The following XIRP2 variants were observed in gnomAD, a reference collection of about 807,000 sequenced individuals.
The protein encoded by XIRP2 is xin actin binding repeat containing 2.
Under a neutral mutation model 277.0 loss-of-function variants are expected in XIRP2, and 236 were observed. The observed-to-expected ratio is 0.85, with a 90% CI of 0.77 to 0.95. The LOEUF is 0.95. Among genes scored for constraint, XIRP2 ranks in the 40% least tolerant of loss-of-function variants. The probability of loss-of-function intolerance (pLI) is 0.00; values close to 1 mark genes in which losing one functional copy is unlikely to be tolerated. For synonymous variants in XIRP2, 1,490 were observed against 1,416.5 expected (o/e 1.05, Z -1.17); for missense variants, 4,640 against 4,157.5 (o/e 1.12, Z -3.19).
rs1250563707 is a variant in XIRP2 at position 167,241,772 on chromosome 2, T to G, written c.1043-5T>G. 3.1e-6 allele frequency: 5 copies of G among 1,599,904 alleles called. No homozygotes were observed. Among genetic ancestry groups the G allele is most frequent in the Admixed American group, 3.5e-5 (2 of 56,762 alleles). On this transcript the variant is annotated splice_polypyrimidine_tract_variant and splice_region_variant and intron_variant, in intron 7 of 10. Coordinates refer to ENST00000409195, the MANE Select transcript of XIRP2 (RefSeq NM_152381.6). Reference sequence around the variant, plus strand: ...AGTAACCCTGGTGTGTTTTTCTGTTTGTAGTCATTGATACACCTGAGGATG... The same window carrying G: ...AGTAACCCTGGTGTGTTTTTCTGTTGGTAGTCATTGATACACCTGAGGATG...
rs1381910074 is a variant in XIRP2 at position 167,249,509 on chromosome 2, CA to C, written c.8120del (p.Asn2707IlefsTer12). On this transcript the variant is annotated frameshift_variant, in exon 9 of 11. Transcript: ENST00000409195. LOFTEE classifies it high-confidence loss of function. ...LHLPQSKPIS[P>X]NFKVKTIKLP... is the part of the protein sequence containing the mutation. Reference sequence around the variant, plus strand: ...TTGCCCCAAAGCAAACCAATTTCCCCAAATTTCAAAGTTAAAACCATCAAAC... The same window carrying C: ...TTGCCCCAAAGCAAACCAATTTCCCCAATTTCAAAGTTAAAACCATCAAAC... 6.2e-7 allele frequency: 1 copy of C among 1,613,580 alleles called. No individual in the cohort carries two copies. The highest frequency in any genetic ancestry group is 1.3e-5 in the African/African-American group (1 of 74,844).
At chr2:166,977,652 A>C (rs1686750298) in intron 2 of XIRP2, among the ~76,000 whole-genome samples, 1 of 152,184 alleles carries the variant, frequency 6.6e-6, no homozygotes, top group Admixed American at 6.5e-5. Flanking sequence ...AAAAACTGGG[A>C]AAAGGTATAA....
chr2:167,168,596 CTTA>C (rs1692590019), intron 3 of XIRP2, among the ~76,000 whole-genome samples: 1 of 152,084 alleles, frequency 6.6e-6, no homozygotes, highest in African/African-American at 2.4e-5. Context: ...TTGGTTTTTT[CTTA>C]TTTTTTGTTT....
rs1156977389 is a variant in XIRP2 at position 167,259,085 on chromosome 2, T to A, written c.*1268T>A. On this transcript the variant is annotated 3_prime_UTR_variant, in exon 11 of 11. Coordinates refer to ENST00000409195, the MANE Select transcript of XIRP2 (RefSeq NM_152381.6). ...TAACACCGTGAAAATCACTGCATTTTCCAAGAAAAATGAGAACATTTTCAA... is the reference window on the plus strand; with the variant it reads ...TAACACCGTGAAAATCACTGCATTTACCAAGAAAAATGAGAACATTTTCAA... The A allele has an allele frequency of 1.2e-6, 2 of 1,611,562 alleles. No individual in the cohort carries two copies. Among genetic ancestry groups the A allele is most frequent in the African/African-American group, 2.7e-5 (2 of 74,828 alleles).
chr2:167,106,960 A>G (rs1690634221), intron 2 of XIRP2, among the ~76,000 whole-genome samples: 1 of 151,116 alleles, frequency 6.6e-6, no homozygotes, highest in African/African-American at 2.4e-5. Flanking sequence ...TTCAATATTC[A>G]CATGTTTATT....
At chr2:167,233,343 T>C (rs555333273) in intron 5 of XIRP2, among the ~76,000 whole-genome samples, 1 of 152,078 alleles carries the variant, frequency 6.6e-6, no homozygotes, top group African/African-American at 2.4e-5. Context: ...TCAAGAGCCA[T>C]TGAAGCAACT....
At chr2:167,113,610 GC>G in intron 2 of XIRP2, among the ~76,000 whole-genome samples, 1 of 152,226 alleles carries the variant, frequency 6.6e-6, no homozygotes, top group African/African-American at 2.4e-5. Flanking sequence ...TCCACTCTGT[GC>G]TTTTTAATTG....
chr2:167,010,637 T>C (rs571626634), intron 2 of XIRP2, among the ~76,000 whole-genome samples: 6 of 152,302 alleles, frequency 3.9e-5, no homozygotes, highest in African/African-American at 1.2e-4. Context: ...GTGGATGGCA[T>C]TGAATCTATA....
At chr2:166,941,279 C>G (rs1685707033) in intron 2 of XIRP2, among the ~76,000 whole-genome samples, 1 of 152,174 alleles carries the variant, frequency 6.6e-6, no homozygotes, top group Non-Finnish European at 1.5e-5. Flanking sequence ...GTGCCATTTG[C>G]TAAGACCATC....
rs1210624612 is a variant in XIRP2, at chr2:167,178,036, C to CA, written c.563-32686dup. On this transcript the variant is annotated intron_variant, in intron 3 of 10. Coordinates refer to ENST00000409195, the MANE Select transcript of XIRP2 (RefSeq NM_152381.6). The stretch of plus-strand genomic sequence containing the variant: ...GATTTGCAACATTATTCAGTAAAAA[C>CA]AAAAAAAAAAAAAGCAAATGTGGAG... Among the ~76,000 whole-genome samples the CA allele has an allele frequency of 8.6e-3, 962 of 111,770 alleles. 10 individuals are homozygous for CA. The highest frequency in any genetic ancestry group is 0.078 in the East Asian group (303 of 3,908). 73.3% of individuals were successfully genotyped at this position (111,770 alleles called of 152,430 possible).
At chr2:166,959,360 G>A (rs910684548) in intron 2 of XIRP2, among the ~76,000 whole-genome samples, 1 of 151,810 alleles carries the variant, frequency 6.6e-6, no homozygotes, top group Non-Finnish European at 1.5e-5. Flanking sequence ...CATTTGGATT[G>A]TGAGGCTTTA....
intron 5 of XIRP2, among the ~76,000 whole-genome samples, chr2:167,219,860 G>A (rs6739872): frequency 0.15 from 22,939 of 152,090 alleles, 2,146 homozygotes; most frequent in African/African-American, 0.27. Context: ...CAATTTATGT[G>A]AAAATATTTC....
chr2:166,958,676 C>T (rs759305612), intron 2 of XIRP2, among the ~76,000 whole-genome samples: 1 of 151,712 alleles, frequency 6.6e-6, no homozygotes, highest in Non-Finnish European at 1.5e-5. Flanking sequence ...GTTGAAATAA[C>T]TCAGTAAATG....
At position 167,247,953 on chromosome 2, in the gene XIRP2, G is replaced by T. The variant is rs753742873; in HGVS notation, c.6561G>T (p.Leu2187Phe). The change falls in exon 9 of 11, where the codon TTG (leucine) becomes TTT (phenylalanine). Residue 2187 changes from leucine (L) to phenylalanine (F), a missense_variant. Transcript: ENST00000409195. ...DLSGDFQKQTLLKQETKYSNK... is the reference protein window; with the variant it reads ...DLSGDFQKQTFLKQETKYSNK... ...CAGGGGACTTTCAGAAGCAAACTTT[G>T]TTAAAGCAAGAAACAAAATATTCTA... 6.2e-6 allele frequency: 10 copies of T among 1,608,820 alleles called. No homozygotes were observed. Among genetic ancestry groups the T allele is most frequent in the Non-Finnish European group, 8.5e-6 (10 of 1,178,622 alleles).
chr2:167,184,434 GA>G lies in XIRP2; in HGVS notation c.563-26298del, dbSNP rs1419594722. On this transcript the variant is annotated intron_variant, in intron 3 of 10. Coordinates refer to ENST00000409195, the MANE Select transcript of XIRP2 (RefSeq NM_152381.6). The stretch of plus-strand genomic sequence containing the variant: ...TATCCTGTGAAATTTTGGAATTTAG[GA>G]AACATCTTAGACAGAAAATAGAATT... 4.8e-6 allele frequency: 3 copies of G among 627,486 alleles called. No individual in the cohort carries two copies. In the African/African-American group the frequency reaches 5.6e-5, roughly 12 times the overall value. 38.9% of individuals were successfully genotyped at this position (627,486 alleles called of 1,614,324 possible).
intron 2 of XIRP2, among the ~76,000 whole-genome samples, chr2:167,061,118 A>G (rs1452017955): frequency 2.0e-5 from 3 of 152,192 alleles, no homozygotes; most frequent in African/African-American, 7.2e-5. Flanking sequence ...TTTATATAAT[A>G]GAAGAGGCAA....
intron 2 of XIRP2, among the ~76,000 whole-genome samples, chr2:166,922,739 G>A (rs908804254): frequency 6.7e-6 from 1 of 150,250 alleles, no homozygotes; most frequent in Non-Finnish European, 1.5e-5. Flanking sequence ...CTGGGCAACA[G>A]AGCGAGACTC....
rs1377860836 is a variant in XIRP2 at position 167,246,050 on chromosome 2, A to C, written c.4658A>C (p.Lys1553Thr). The C allele has an allele frequency of 6.2e-7, 1 of 1,613,594 alleles. No homozygotes were observed. The highest frequency in any genetic ancestry group is 2.2e-5 in the East Asian group (1 of 44,832). Residue 1553 changes from lysine to threonine, a missense_variant, in exon 9 of 11, where the codon AAA becomes ACA. Transcript: ENST00000409195. ...EKIEIIGKSI[K>T]ETLEDLYSQK... is the part of the protein sequence containing the mutation. ...ATAGAAATTATTGGCAAGAGCATTA[A>C]AGAAACCTTAGAAGATCTCTACTCT... is the stretch of plus-strand genomic sequence containing the variant.
At chr2:167,071,688 G>C (rs1553483936) in intron 2 of XIRP2, among the ~76,000 whole-genome samples, 1 of 152,172 alleles carries the variant, frequency 6.6e-6, no homozygotes, top group Non-Finnish European at 1.5e-5. Context: ...ATGTATGGCA[G>C]CAAACCAAAA....
Sources: allele counts gnomAD v4.1 joint callset (sites outside exome capture counted in the v4.1 genomes callset), GRCh38; gene constraint gnomAD v4.1.1; transcripts MANE v1.5; gene names NCBI Gene and HGNC (gene_info 2026-07-23, HGNC 2026-07-21).